BEND5: variants seen among roughly 807,000 people sequenced by gnomAD.
The protein encoded by BEND5 is BEN domain-containing protein 5.
A neutral mutation model predicts 43.9 loss-of-function variants in BEND5; 22 were observed. The observed-to-expected ratio is 0.50, with a 90% CI of 0.36 to 0.72. The LOEUF is 0.72. BEND5 is among the 30% of genes least tolerant of loss of function. The probability of loss-of-function intolerance (pLI) is 0.00; values close to 1 mark genes in which losing one functional copy is unlikely to be tolerated. For missense variants in BEND5, 428 were observed against 550.6 expected, an observed-to-expected ratio of 0.78 and a Z score of 2.23; for synonymous variants, 228 against 225.9, an observed-to-expected ratio of 1.01 and a Z score of -0.08.
At position 48,736,088 on chromosome 1, in the gene BEND5, T is replaced by G; in HGVS notation, c.1108+151A>C. 1 of 781,834 alleles carries G rather than the reference T, an allele frequency of 1.3e-6. No individual in the cohort carries two copies. Among genetic ancestry groups the G allele is most frequent in the Non-Finnish European group, 2.1e-6 (1 of 478,138 alleles). 48.4% of individuals were successfully genotyped at this position (781,834 alleles called of 1,614,324 possible). Reference sequence around the variant, plus strand: ...GGTAAATGTGAGCTCTTCTGGGGCATTTGGGTTATCCGCTTGGTGTCCCCG... The same window carrying G: ...GGTAAATGTGAGCTCTTCTGGGGCAGTTGGGTTATCCGCTTGGTGTCCCCG... On this transcript the variant is annotated intron_variant, in intron 5 of 5. Coordinates refer to ENST00000371833, the MANE Select transcript of BEND5 (RefSeq NM_024603.4). The surrounding 1 kb of genome is among the most constrained non-coding windows in gnomAD (Gnocchi z 4.0).
intron 1 of BEND5, among the ~76,000 whole-genome samples, chr1:48,774,239 AGCACAGTGG>A (rs1644970256): frequency 6.6e-6 from 1 of 152,234 alleles, no homozygotes; most frequent in Non-Finnish European, 1.5e-5. Flanking sequence ...CTGGTGCCAT[AGCACAGTGG>A]TATTTACATA....
At position 48,776,756 on chromosome 1, in the gene BEND5, G is replaced by T; in HGVS notation, c.76C>A (p.Pro26Thr). ...LPVSCVRDFS[P>T]RSRLDFDNQK... ...TTGTCAAAATCCAGCCGCGAGCGGGGGCTGAAGTCGCGCACGCACGACACG... is the reference window on the plus strand; with the variant it reads ...TTGTCAAAATCCAGCCGCGAGCGGGTGCTGAAGTCGCGCACGCACGACACG... The change falls in exon 1 of 6, where the codon CCC (proline) becomes ACC (threonine). Residue 26 changes from proline (P) to threonine (T), a missense_variant. Around this residue, in one of 4 missense-constraint regions of BEND5, gnomAD observed 107 missense variants for 98.8 expected, o/e 1.08. Transcript: ENST00000371833. 1 of 1,527,748 alleles carries T rather than the reference G, an allele frequency of 6.5e-7. No homozygotes were observed. The highest frequency in any genetic ancestry group is 2.1e-5 in the Admixed American group (1 of 48,580). 94.6% of individuals were successfully genotyped at this position (1,527,748 alleles called of 1,614,324 possible). A position where few individuals can be genotyped will look rare whatever the true frequency, so the allele number is the denominator to read the frequency against.
intron 4 of BEND5, among the ~76,000 whole-genome samples, chr1:48,741,797 G>A (rs542589857): frequency 1.4e-4 from 21 of 152,260 alleles, no homozygotes; most frequent in African/African-American, 3.4e-4. Context: ...AACGAGAGGC[G>A]ATGTCTGTAA....
At chr1:48,754,438 G>A (rs569456041) in intron 3 of BEND5, among the ~76,000 whole-genome samples, 5 of 152,054 alleles carry the variant, frequency 3.3e-5, no homozygotes, top group Admixed American at 1.3e-4. Flanking sequence ...GGATACCCTC[G>A]ATAACTGTTC....
chr1:48,761,086 C>T (rs894964198), intron 2 of BEND5: 8 of 386,902 alleles, frequency 2.1e-5, no homozygotes, highest in African/African-American at 4.0e-5. Flanking sequence ...CCTCCAACAG[C>T]GATGACACTG....
chr1:48,765,948 G>A (rs767755262), intron 1 of BEND5, among the ~76,000 whole-genome samples: 3 of 152,116 alleles, frequency 2.0e-5, no homozygotes, highest in Non-Finnish European at 4.4e-5. Flanking sequence ...TGGGTAACAC[G>A]GATTTATTTT....
chr1:48,739,240 G>A (rs765383416), intron 4 of BEND5, among the ~76,000 whole-genome samples: 15 of 152,204 alleles, frequency 9.9e-5, no homozygotes, highest in Middle Eastern at 3.4e-3. Context: ...CCTTCAACCC[G>A]CCCATCCTAT....
intron 3 of BEND5, among the ~76,000 whole-genome samples, chr1:48,751,238 T>C (rs1183859011): frequency 2.0e-5 from 3 of 152,262 alleles, no homozygotes; most frequent in Non-Finnish European, 2.9e-5. Context: ...TATGAAGACA[T>C]GGTGGGCTTT....
chr1:48,741,663 G>A (rs2148593856), intron 4 of BEND5, among the ~76,000 whole-genome samples: 1 of 152,254 alleles, frequency 6.6e-6, no homozygotes, highest in Non-Finnish European at 1.5e-5. Context: ...AGACATATCT[G>A]GACAAACCCA....
At chr1:48,757,379 A>G (rs115242778) in intron 3 of BEND5, among the ~76,000 whole-genome samples, 192 of 152,346 alleles carry the variant, frequency 1.3e-3, no homozygotes, top group African/African-American at 4.4e-3. Flanking sequence ...TTAATAAAGA[A>G]CTTTACTAAC....
Position 48,742,728 on chromosome 1 carries a change from C to G in BEND5, c.789G>C (p.Glu263Asp). 1 of 1,608,790 alleles carries G rather than the reference C, an allele frequency of 6.2e-7. No homozygotes were observed. ...DLEKVKSECL[E>D]PEPELRSTFS... ...AAGTGCTCCGTAACTCCGGCTCGGG[C>G]TCGAGACATTCTGACTTTACTTTTT... The change falls in exon 4 of 6, where the codon GAG becomes GAC. Residue 263 changes from glutamate to aspartate, a missense_variant. This residue lies in a region of BEND5 where 243 missense variants were observed against 286.4 expected (regional missense o/e 0.85). Coordinates refer to ENST00000371833, the MANE Select transcript of BEND5 (RefSeq NM_024603.4).
chr1:48,744,559 T>A (rs568288277), intron 3 of BEND5, among the ~76,000 whole-genome samples: 1 of 152,318 alleles, frequency 6.6e-6, no homozygotes, highest in South Asian at 2.1e-4. Flanking sequence ...CTCACGGTCA[T>A]TTTTAGCAAG....
intron 1 of BEND5, among the ~76,000 whole-genome samples, chr1:48,773,385 G>T (rs1644929893): frequency 6.6e-6 from 1 of 152,124 alleles, no homozygotes; most frequent in Admixed American, 6.6e-5. Context: ...AGAGAGAACA[G>T]AGGTCAAAGG....
chr1:48,749,806 G>A (rs1390318057), intron 3 of BEND5, among the ~76,000 whole-genome samples: 1 of 152,308 alleles, frequency 6.6e-6, no homozygotes. Flanking sequence ...TCTGTGCCCA[G>A]AGAGTATCCA....
intron 4 of BEND5, among the ~76,000 whole-genome samples, chr1:48,741,110 C>G (rs1365495632): frequency 6.6e-6 from 1 of 152,154 alleles, no homozygotes; most frequent in South Asian, 2.1e-4. Flanking sequence ...GCCTTCAAGG[C>G]AAGGGAGAAA....
intron 3 of BEND5, 87 bp from the exon 4 acceptor site, chr1:48,742,858 T>C: frequency 1.5e-6 from 2 of 1,337,286 alleles, no homozygotes; most frequent in Non-Finnish European, 2.0e-6. Flanking sequence ...CAGCACACCA[T>C]GGCACAAAAA....
intron 1 of BEND5, among the ~76,000 whole-genome samples, chr1:48,769,429 A>ATT (rs1644693840): frequency 6.6e-6 from 1 of 151,916 alleles, no homozygotes; most frequent in Admixed American, 6.6e-5. Context: ...TGCCAACACA[A>ATT]TAAATGCCCC....
At chr1:48,754,888 A>G (rs1173701684) in intron 3 of BEND5, among the ~76,000 whole-genome samples, 1 of 152,192 alleles carries the variant, frequency 6.6e-6, no homozygotes, top group Non-Finnish European at 1.5e-5. Flanking sequence ...AGAGGCACGC[A>G]GGACCAGGGG....
intron 3 of BEND5, among the ~76,000 whole-genome samples, chr1:48,751,065 A>G (rs1651659481): frequency 6.6e-6 from 1 of 152,152 alleles, no homozygotes; most frequent in Admixed American, 6.5e-5. Context: ...CTGATTCCAC[A>G]TGGCATAGAT....
Sources: gnomAD v4.1 joint callset for allele counts (sites outside exome capture counted in the v4.1 genomes callset) on GRCh38, gnomAD v4.1.1 for gene constraint, gnomAD v4.1.1 regional missense constraint, Gnocchi (gnomAD v3.1) non-coding constraint, MANE v1.5 for transcripts, NCBI Gene and HGNC (gene_info 2026-07-23, HGNC 2026-07-21) for gene names.